KAZN: variants seen among roughly 807,000 people sequenced by gnomAD.
The protein encoded by KAZN is kazrin.
A neutral mutation model predicts 87.4 loss-of-function variants in KAZN; 40 were observed. That is an observed-to-expected ratio of 0.46 (90% CI 0.36 to 0.60). The LOEUF is 0.60. Among genes scored for constraint, KAZN ranks in the 20% least tolerant of loss-of-function variants. The pLI, the probability that KAZN is intolerant of heterozygous loss-of-function variation, is 0.00. For synonymous variants in KAZN, 466 were observed against 458.3 expected (o/e 1.02, Z -0.22); for missense variants, 898 against 1,073.9 (o/e 0.84, Z 2.29).
intron 1 of KAZN, among the ~76,000 whole-genome samples, chr1:14,796,441 C>T (rs1645830268): frequency 6.6e-6 from 1 of 152,206 alleles, no homozygotes; most frequent in African/African-American, 2.4e-5. Flanking sequence ...CTCCATGGCT[C>T]CACAGACCTT....
At chr1:14,734,295 T>C (rs1409894922) in intron 1 of KAZN, among the ~76,000 whole-genome samples, 1 of 135,464 alleles carries the variant, frequency 7.4e-6, no homozygotes, top group Non-Finnish European at 1.5e-5. Context: ...TCTGTGTTTT[T>C]CTTTTTTCTT....
chr1:14,160,901 T>A (rs935037619), intron 1 of KAZN, among the ~76,000 whole-genome samples: 2 of 152,244 alleles, frequency 1.3e-5, no homozygotes, highest in Non-Finnish European at 2.9e-5. Flanking sequence ...CCCAGTTCTA[T>A]CAGTGGAAAT....
At chr1:14,848,879 G>A (rs1281389544) in intron 1 of KAZN, among the ~76,000 whole-genome samples, 1 of 152,202 alleles carries the variant, frequency 6.6e-6, no homozygotes, top group East Asian at 1.9e-4. Context: ...GGAGCGCCTT[G>A]GAAACAAAAG....
intron 2 of KAZN, among the ~76,000 whole-genome samples, chr1:14,524,103 C>T (rs1372438378): frequency 6.6e-6 from 1 of 152,160 alleles, no homozygotes; most frequent in Non-Finnish European, 1.5e-5. Flanking sequence ...CTCACTGCAA[C>T]CTCTGCCTCC....
chr1:14,830,953 A>T (rs922062848), intron 1 of KAZN, among the ~76,000 whole-genome samples: 1 of 152,150 alleles, frequency 6.6e-6, no homozygotes, highest in African/African-American at 2.4e-5. Flanking sequence ...CAATGTCAGG[A>T]TGTGCCTGTT....
At chr1:14,756,069 C>T (rs920964595) in intron 1 of KAZN, among the ~76,000 whole-genome samples, 1 of 152,150 alleles carries the variant, frequency 6.6e-6, no homozygotes, top group Non-Finnish European at 1.5e-5. Context: ...GTACTTCCTG[C>T]CTTCTGCTAG....
chr1:14,157,188 G>A (rs888879628), intron 1 of KAZN, among the ~76,000 whole-genome samples: 2 of 151,896 alleles, frequency 1.3e-5, no homozygotes, highest in African/African-American at 4.8e-5. Context: ...ATATCTTATT[G>A]TACTGTCTAT....
At chr1:14,789,156 C>T (rs1171338226) in intron 1 of KAZN, among the ~76,000 whole-genome samples, 1 of 152,144 alleles carries the variant, frequency 6.6e-6, no homozygotes, top group Non-Finnish European at 1.5e-5. Context: ...CAGGAGGGGG[C>T]CTACTCAGGC....
chr1:14,038,271 G>A (rs146127393), intron 1 of KAZN, among the ~76,000 whole-genome samples: 12 of 152,320 alleles, frequency 7.9e-5, no homozygotes, highest in African/African-American at 2.9e-4. Flanking sequence ...GGCAGGTGCA[G>A]TTGTGATTTT....
intron 2 of KAZN, among the ~76,000 whole-genome samples, chr1:14,393,604 G>A (rs1662638127): frequency 6.6e-6 from 1 of 151,928 alleles, no homozygotes; most frequent in Non-Finnish European, 1.5e-5. Context: ...ACATTTGCAG[G>A]GTGACAAGTG....
chr1:14,770,955 G>A (rs1190784781), intron 1 of KAZN, among the ~76,000 whole-genome samples: 1 of 152,154 alleles, frequency 6.6e-6, no homozygotes, highest in Admixed American at 6.5e-5. Flanking sequence ...GAGACCACAT[G>A]TCCCAGCTCC....
intron 1 of KAZN, among the ~76,000 whole-genome samples, chr1:14,832,292 A>T (rs927595724): frequency 6.6e-6 from 1 of 151,776 alleles, no homozygotes; most frequent in Non-Finnish European, 1.5e-5. Context: ...ACGTCTCTCT[A>T]TCTCTGGGAT....
At chr1:14,283,038 C>T (rs1012430617) in intron 2 of KAZN, among the ~76,000 whole-genome samples, 12 of 152,148 alleles carry the variant, frequency 7.9e-5, no homozygotes, top group South Asian at 2.1e-4. Flanking sequence ...TGGAAGCATT[C>T]GCAGAGCAAA....
At chr1:14,719,639 G>A (rs1343764553) in intron 1 of KAZN, among the ~76,000 whole-genome samples, 1 of 152,248 alleles carries the variant, frequency 6.6e-6, no homozygotes, top group African/African-American at 2.4e-5. Context: ...AGGAGTTTGA[G>A]ACTAACCTGG....
chr1:14,249,701 A>G (rs1649835443), intron 2 of KAZN, among the ~76,000 whole-genome samples: 1 of 152,158 alleles, frequency 6.6e-6, no homozygotes, highest in African/African-American at 2.4e-5. Flanking sequence ...TTCCATATGT[A>G]TGAATTCCAT....
In KAZN at chr1:14,080,082, C is replaced by T. The variant is rs544859397; in HGVS notation, c.92-100353C>T. ...CAGATGAATTTTGGGGGGATGTAAA[C>T]ATTCAGACCATAACAAAATCCTTTT... On this transcript the variant is annotated intron_variant, in intron 1 of 16. Coordinates refer to the KAZN transcript ENST00000636203. Among the ~76,000 whole-genome samples, 3 of 103,208 alleles carry T rather than the reference C, an allele frequency of 2.9e-5. No homozygotes were observed. The East Asian group carries it at 7.8e-4, about 27-fold the overall frequency. The allele number at this position is 103,208 out of a possible 152,430, so 67.7% of individuals were successfully genotyped here. A position where few individuals can be genotyped will look rare whatever the true frequency, so the allele number is the denominator to read the frequency against.
chr1:14,547,673 C>G (rs997641274), intron 2 of KAZN, among the ~76,000 whole-genome samples: 2 of 152,096 alleles, frequency 1.3e-5, no homozygotes, highest in Admixed American at 1.3e-4. Context: ...AGCTCCGCAT[C>G]CCGGGTTCAC....
intron 1 of KAZN, among the ~76,000 whole-genome samples, chr1:14,849,287 A>G (rs1649153772): frequency 6.6e-6 from 1 of 152,180 alleles, no homozygotes; most frequent in South Asian, 2.1e-4. Flanking sequence ...TTCCAGCTGA[A>G]CATTACAGCC....
At chr1:15,090,754 C>T (rs1170539848) in intron 8 of KAZN, among the ~76,000 whole-genome samples, 1 of 152,238 alleles carries the variant, frequency 6.6e-6, no homozygotes, top group African/African-American at 2.4e-5. Context: ...TGTCCCAGCA[C>T]GGACAGCCCG....
Sources: allele counts gnomAD v4.1 joint callset (sites outside exome capture counted in the v4.1 genomes callset), GRCh38; gene constraint gnomAD v4.1.1; transcripts MANE v1.5; gene names NCBI Gene and HGNC (gene_info 2026-07-23, HGNC 2026-07-21).